Variants in HSD17B12 observed in about 807,000 individuals in gnomAD.
HSD17B12 encodes the protein hydroxysteroid 17-beta dehydrogenase 12, also known as very-long-chain 3-oxoacyl-CoA reductase.
A neutral mutation model predicts 39.3 loss-of-function variants in HSD17B12; 32 were observed. That is an observed-to-expected ratio of 0.81 (90% confidence interval 0.61 to 1.09). The LOEUF (loss-of-function observed/expected upper bound fraction) is 1.09. Ranked by LOEUF, HSD17B12 falls within the 50% of genes least tolerant of loss-of-function variation. The probability of loss-of-function intolerance (pLI) is 0.00; values close to 1 mark genes in which losing one functional copy is unlikely to be tolerated. For missense variants in HSD17B12, 342 were observed against 382.9 expected (o/e 0.89, Z 0.89); for synonymous variants, 150 against 146.7 (o/e 1.02, Z -0.16).
intron 1 of HSD17B12, chr11:43,718,940 A>G: frequency 9.6e-7 from 1 of 1,043,570 alleles, no homozygotes. Context: ...TGCCATGAAG[A>G]AGATAGAAGA....
At chr11:43,844,342 A>C (rs879726290) in intron 9 of HSD17B12, among the ~76,000 whole-genome samples, 1 of 152,138 alleles carries the variant, frequency 6.6e-6, no homozygotes, top group Admixed American at 6.5e-5. Context: ...AATTGCCTTC[A>C]AGAATTCAGA....
intron 3 of HSD17B12, among the ~76,000 whole-genome samples, chr11:43,793,454 A>C (rs1008009132): frequency 1.3e-5 from 2 of 152,212 alleles, no homozygotes; most frequent in African/African-American, 4.8e-5. Flanking sequence ...CTCAGACTTA[A>C]TATCCCCAGC....
At chr11:43,712,599 T>C (rs1950078088) in intron 1 of HSD17B12, among the ~76,000 whole-genome samples, 1 of 152,158 alleles carries the variant, frequency 6.6e-6, no homozygotes, top group Non-Finnish European at 1.5e-5. Context: ...CCCTTCCAGA[T>C]CTAACCAATG....
At chr11:43,655,318 G>A in the HSD17B12 span, among the ~76,000 whole-genome samples, 764 of 152,188 alleles carry the variant, frequency 5.0e-3, 5 homozygotes, top group African/African-American at 0.017. Context: ...GAGACGATGG[G>A]GTTTTCTAGA....
At chr11:43,819,031 A>G (rs1313820645) in intron 6 of HSD17B12, among the ~76,000 whole-genome samples, 1 of 152,204 alleles carries the variant, frequency 6.6e-6, no homozygotes, top group African/African-American at 2.4e-5. Context: ...TGAAAATAAT[A>G]AGTGTTAAAA....
At chr11:43,690,374 A>T (rs1416629481) in intron 1 of HSD17B12, among the ~76,000 whole-genome samples, 1 of 11,858 alleles carries the variant, frequency 8.4e-5, no homozygotes, top group Admixed American at 1.6e-3. Context: ...ATATATATAT[A>T]TATATATATA....
At chr11:43,702,174 G>A (rs1949970813) in intron 1 of HSD17B12, among the ~76,000 whole-genome samples, 1 of 152,096 alleles carries the variant, frequency 6.6e-6, no homozygotes, top group Non-Finnish European at 1.5e-5. Context: ...TTTTGATTTT[G>A]TGTCTGCAAC....
At chr11:43,568,733 G>A in the HSD17B12 span, among the ~76,000 whole-genome samples, 1 of 152,326 alleles carries the variant, frequency 6.6e-6, no homozygotes, top group South Asian at 2.1e-4. Context: ...GTCACTCTCA[G>A]CTTAAGTTCT....
At chr11:43,671,396 G>T in the HSD17B12 span, among the ~76,000 whole-genome samples, 1,232 of 152,312 alleles carry the variant, frequency 8.1e-3, 44 homozygotes, top group East Asian at 0.099. Flanking sequence ...GGCCAGACTG[G>T]TCTCAAACTC....
chr11:43,844,277 C>G (rs1310221352), intron 9 of HSD17B12, among the ~76,000 whole-genome samples: 2 of 152,132 alleles, frequency 1.3e-5, no homozygotes, highest in African/African-American at 4.8e-5. Flanking sequence ...ATTTCTCTCC[C>G]CATCTTTCCC....
the HSD17B12 span, among the ~76,000 whole-genome samples, chr11:43,586,343 G>A: frequency 6.6e-6 from 1 of 152,164 alleles, no homozygotes; most frequent in Non-Finnish European, 1.5e-5. Flanking sequence ...TGTTACCTTG[G>A]TCTGCAGAGG....
In HSD17B12 at chr11:43,855,409, G is replaced by T; in HGVS notation, c.*161G>T. On this transcript the variant is annotated 3_prime_UTR_variant, in exon 11 of 11. Transcript: ENST00000278353. ...GAGGAAAATAGAAGTTGCTTTTAGGGGTTTCTGACATATATTCTGGATACT... is the reference window on the plus strand; with the variant it reads ...GAGGAAAATAGAAGTTGCTTTTAGGTGTTTCTGACATATATTCTGGATACT... 4 of 446,900 alleles carry T rather than the reference G, an allele frequency of 9.0e-6. No individual in the cohort carries two copies. The highest frequency in any genetic ancestry group is 4.1e-5 in the Admixed American group (1 of 24,482). The allele number at this position is 446,900 out of a possible 1,614,324, so 27.7% of individuals were successfully genotyped here.
At chr11:43,836,854 G>A (rs1832572220) in intron 7 of HSD17B12, among the ~76,000 whole-genome samples, 1 of 152,078 alleles carries the variant, frequency 6.6e-6, no homozygotes, top group South Asian at 2.1e-4. Flanking sequence ...AATTTAAAAA[G>A]AAAAGACTTT....
At chr11:43,747,841 T>C (rs1950426311) in intron 1 of HSD17B12, among the ~76,000 whole-genome samples, 1 of 152,182 alleles carries the variant, frequency 6.6e-6, no homozygotes, top group Non-Finnish European at 1.5e-5. Flanking sequence ...ACCAGAGCTC[T>C]GAGCCTTTTG....
intron 1 of HSD17B12, among the ~76,000 whole-genome samples, chr11:43,741,415 C>T (rs1950362869): frequency 6.6e-6 from 1 of 152,022 alleles, no homozygotes; most frequent in South Asian, 2.1e-4. Flanking sequence ...TTTGCTGGCT[C>T]AGTTTACACC....
intron 4 of HSD17B12, chr11:43,806,580 A>G (rs934900836): frequency 6.6e-6 from 1 of 152,196 alleles, no homozygotes; most frequent in African/African-American, 2.4e-5. Context: ...GTTAACTGAA[A>G]TAAACCAAGC....
the HSD17B12 span, among the ~76,000 whole-genome samples, chr11:43,660,350 A>G: frequency 6.6e-6 from 1 of 152,182 alleles, no homozygotes; most frequent in Non-Finnish European, 1.5e-5. Context: ...CCTCCACTTG[A>G]TTTGAACAGT....
chr11:43,585,308 G>A, the HSD17B12 span, among the ~76,000 whole-genome samples: 1 of 152,074 alleles, frequency 6.6e-6, no homozygotes, highest in Non-Finnish European at 1.5e-5. Flanking sequence ...GATTCTTATT[G>A]GGGATTTCGG....
the HSD17B12 span, among the ~76,000 whole-genome samples, chr11:43,583,654 G>T: frequency 1.3e-5 from 2 of 151,278 alleles, no homozygotes; most frequent in Non-Finnish European, 2.9e-5. Flanking sequence ...TACCCATTTT[G>T]CTTTTGCTAA....
Sources: allele counts gnomAD v4.1 joint callset (sites outside exome capture counted in the v4.1 genomes callset), GRCh38; gene constraint gnomAD v4.1.1; transcripts MANE v1.5; gene names NCBI Gene and HGNC (gene_info 2026-07-23, HGNC 2026-07-21).